COL13A1: variants seen among roughly 807,000 people sequenced by gnomAD.
COL13A1 encodes collagen alpha-1(XIII) chain.
In COL13A1, 89 loss-of-function variants were observed where a neutral mutation model predicts 130.9. That is an observed-to-expected ratio of 0.68 (90% confidence interval 0.57 to 0.81). The LOEUF (loss-of-function observed/expected upper bound fraction) is 0.81. Ranked by LOEUF, COL13A1 falls within the 30% of genes least tolerant of loss-of-function variation. The pLI, the probability that COL13A1 is intolerant of heterozygous loss-of-function variation, is 0.00. For missense variants in COL13A1, 879 were observed against 934.6 expected, an observed-to-expected ratio of 0.94 and a Z score of 0.78; for synonymous variants, 402 against 341.6, an observed-to-expected ratio of 1.18 and a Z score of -1.95.
At chr10:69,864,744 C>T (rs112063920) in intron 2 of COL13A1, among the ~76,000 whole-genome samples, 2,111 of 152,268 alleles carry the variant, frequency 0.014, 44 homozygotes, top group Non-Finnish European at 0.014. Flanking sequence ...GAAGCATGGC[C>T]GCCTTGCTCG....
Position 69,832,198 on chromosome 10 carries a change from C to A in COL13A1, c.364+9760C>A, listed in dbSNP as rs1848979801. Among the ~76,000 whole-genome samples, 4 of 152,190 alleles carry A rather than the reference C, an allele frequency of 2.6e-5. No individual in the cohort carries two copies. In the South Asian group the frequency reaches 8.3e-4, roughly 32 times the overall value. ...CTGATCTGCCCTGTGGAAGGCTAGG[C>A]CCTTCCAATGCTATGAAAAATGCTG... On this transcript the variant is annotated intron_variant, in intron 2 of 40. Coordinates refer to ENST00000645393, the MANE Select transcript of COL13A1 (RefSeq NM_001368882.1).
chr10:69,829,166 C>G (rs758061076), intron 2 of COL13A1: 236 of 897,074 alleles, frequency 2.6e-4, no homozygotes, highest in Non-Finnish European at 2.9e-4. Context: ...CACACCCCGT[C>G]AATCACCAAG....
chr10:69,815,869 A>G (rs1418046046), intron 1 of COL13A1, among the ~76,000 whole-genome samples: 3 of 140,802 alleles, frequency 2.1e-5, no homozygotes, highest in Non-Finnish European at 3.1e-5. Flanking sequence ...CAAAGAGACA[A>G]TAAGTAAGAA....
At chr10:69,952,125 GTC>G (rs2069665150) in intron 38 of COL13A1, among the ~76,000 whole-genome samples, 1 of 152,122 alleles carries the variant, frequency 6.6e-6, no homozygotes, top group South Asian at 2.1e-4. Context: ...ACAAATAACG[GTC>G]TGACTTCAGA....
At chr10:69,929,602 C>G (rs917986442) in intron 28 of COL13A1, among the ~76,000 whole-genome samples, 3 of 152,180 alleles carry the variant, frequency 2.0e-5, no homozygotes, top group Non-Finnish European at 4.4e-5. Flanking sequence ...CCCTTAACTC[C>G]CCACCTGACC....
At chr10:69,852,067 G>T (rs1855005715) in intron 2 of COL13A1, among the ~76,000 whole-genome samples, 1 of 152,108 alleles carries the variant, frequency 6.6e-6, no homozygotes, top group Non-Finnish European at 1.5e-5. Flanking sequence ...CTTTGCACTT[G>T]CTGTGCTGGT....
At chr10:69,853,957 T>G (rs544893679) in intron 2 of COL13A1, among the ~76,000 whole-genome samples, 1 of 152,352 alleles carries the variant, frequency 6.6e-6, no homozygotes, top group Non-Finnish European at 1.5e-5. Flanking sequence ...TTTAATGTTC[T>G]TACAGAGCTG....
intron 2 of COL13A1, among the ~76,000 whole-genome samples, chr10:69,829,945 G>A (rs1202171127): frequency 1.3e-5 from 2 of 152,156 alleles, no homozygotes; most frequent in Non-Finnish European, 2.9e-5. Flanking sequence ...CCTCCTGGAC[G>A]CTGCTGATAA....
At chr10:69,839,839 C>T (rs1320861243) in intron 2 of COL13A1, among the ~76,000 whole-genome samples, 2 of 152,190 alleles carry the variant, frequency 1.3e-5, no homozygotes, top group African/African-American at 4.8e-5. Context: ...CCTGTGGCGC[C>T]TCGTGTGACT....
intron 10 of COL13A1, among the ~76,000 whole-genome samples, chr10:69,892,356 G>C (rs1193061628): frequency 9.2e-5 from 14 of 152,020 alleles, no homozygotes; most frequent in Admixed American, 9.2e-4. Context: ...CCTCTCAAAA[G>C]GGAGTCACCT....
At chr10:69,939,801 G>A (rs1256352707) in intron 34 of COL13A1, among the ~76,000 whole-genome samples, 2 of 152,216 alleles carry the variant, frequency 1.3e-5, no homozygotes, top group Admixed American at 6.5e-5. Context: ...TGCCAGGGCT[G>A]AGAACCACAG....
chr10:69,861,235 C>T (rs938495948), intron 2 of COL13A1, among the ~76,000 whole-genome samples: 1 of 152,118 alleles, frequency 6.6e-6, no homozygotes, highest in Non-Finnish European at 1.5e-5. Flanking sequence ...GACCAAGTGC[C>T]CCGCCAGGCT....
intron 1 of COL13A1, among the ~76,000 whole-genome samples, chr10:69,803,998 G>T (rs1840775508): frequency 6.6e-6 from 1 of 152,186 alleles, no homozygotes; most frequent in Non-Finnish European, 1.5e-5. Flanking sequence ...GGCCAGAGCA[G>T]AGAGAGCGGT....
At chr10:69,876,174 G>A (rs2059551293) in intron 5 of COL13A1, among the ~76,000 whole-genome samples, 1 of 152,204 alleles carries the variant, frequency 6.6e-6, no homozygotes, top group Non-Finnish European at 1.5e-5. Context: ...ACTGCATGAG[G>A]TAGACATGGT....
intron 21 of COL13A1, among the ~76,000 whole-genome samples, chr10:69,920,668 C>T (rs1400610520): frequency 6.6e-6 from 1 of 152,240 alleles, no homozygotes; most frequent in Non-Finnish European, 1.5e-5. Flanking sequence ...GAAGAGGGCT[C>T]TCACCAGAAC....
Position 69,850,982 on chromosome 10 carries a change from T to G in COL13A1, c.365-16816T>G, listed in dbSNP as rs116249121. Among the ~76,000 whole-genome samples, 544 of 152,188 alleles carry G rather than the reference T, an allele frequency of 3.6e-3. 4 individuals are homozygous for G. The highest frequency in any genetic ancestry group is 0.012 in the African/African-American group (508 of 41,514). On this transcript the variant is annotated intron_variant, in intron 2 of 40. Coordinates refer to ENST00000645393, the MANE Select transcript of COL13A1 (RefSeq NM_001368882.1). ...GCATCTGAAGGGACAAGTCCTTCAT[T>G]CCCTAAAGGGGAATCTGGATGGCAC... is the stretch of plus-strand genomic sequence containing the variant.
At chr10:69,888,496 G>A (rs138701019) in intron 9 of COL13A1, among the ~76,000 whole-genome samples, 166 bp downstream of exon 9, 250 of 152,288 alleles carry the variant, frequency 1.6e-3, no homozygotes, top group Admixed American at 4.2e-3. Flanking sequence ...AGTCACCCCT[G>A]ACCCCAGTGG....
At chr10:69,824,104 C>G in intron 2 of COL13A1, 1 of 472,272 alleles carries the variant, frequency 2.1e-6, no homozygotes, top group Non-Finnish European at 4.4e-6. Context: ...GTCTTATGAC[C>G]TTCAGAGAGT....
intron 1 of COL13A1, among the ~76,000 whole-genome samples, chr10:69,820,789 A>G (rs1206449292): frequency 6.6e-6 from 1 of 151,540 alleles, no homozygotes; most frequent in Admixed American, 6.6e-5. Context: ...CTCCCCAGGC[A>G]TTTGCACTCA....
Sources: allele counts gnomAD v4.1 joint callset (sites outside exome capture counted in the v4.1 genomes callset), GRCh38; gene constraint gnomAD v4.1.1; transcripts MANE v1.5; gene names NCBI Gene and HGNC (gene_info 2026-07-23, HGNC 2026-07-21).